The following TSPAN5 variants were observed in gnomAD, a reference collection of about 807,000 sequenced individuals.
TSPAN5 encodes tetraspanin-5.
TSPAN5 carries 10 observed loss-of-function variants against 37.1 expected under a neutral mutation model. The ratio of observed to expected loss-of-function variants is 0.27; its 90% CI spans 0.17 to 0.46. The LOEUF is 0.46. Among genes scored for constraint, TSPAN5 ranks in the 20% least tolerant of loss-of-function variants. The pLI, the probability that TSPAN5 is intolerant of heterozygous loss-of-function variation, is 1.00. For synonymous variants in TSPAN5, 110 were observed against 118.9 expected, an observed-to-expected ratio of 0.93 and a Z score of 0.48; for missense variants, 195 against 326.6, an observed-to-expected ratio of 0.60 and a Z score of 3.11.
In TSPAN5 at chr4:98,470,918, C is replaced by T. The variant is rs896027021; in HGVS notation, c.*1604G>A. The T allele has an allele frequency of 2.0e-5, 3 of 152,200 alleles. No individual in the cohort carries two copies. The highest frequency in any genetic ancestry group is 7.2e-5 in the African/African-American group (3 of 41,440). The allele number at this position is 152,200 out of a possible 1,614,324, so 9.4% of individuals were successfully genotyped here. A position where few individuals can be genotyped will look rare whatever the true frequency, so the allele number is the denominator to read the frequency against. Reference sequence around the variant, plus strand: ...CCAGTTATGTGCTGGCAAATCTGTCCGCACCGAAAAATGTGCCTGTGGTTT... The same window carrying T: ...CCAGTTATGTGCTGGCAAATCTGTCTGCACCGAAAAATGTGCCTGTGGTTT... On this transcript the variant is annotated 3_prime_UTR_variant, in exon 8 of 8. Transcript: ENST00000305798.
chr4:98,570,603 A>G (rs935562712), intron 1 of TSPAN5, among the ~76,000 whole-genome samples: 4 of 152,208 alleles, frequency 2.6e-5, no homozygotes, highest in African/African-American at 9.6e-5. Flanking sequence ...GGGAAAAAAG[A>G]AAAATGCCAC....
At chr4:98,518,939 G>T (rs1753797085) in intron 1 of TSPAN5, among the ~76,000 whole-genome samples, 1 of 152,242 alleles carries the variant, frequency 6.6e-6, no homozygotes, top group Non-Finnish European at 1.5e-5. Context: ...AGCAAGCCAT[G>T]GGAAGCCAAC....
intron 1 of TSPAN5, among the ~76,000 whole-genome samples, chr4:98,599,039 C>T (rs186944299): frequency 6.6e-6 from 1 of 152,258 alleles, no homozygotes; most frequent in Admixed American, 6.5e-5. Context: ...AACACACAAT[C>T]CAGAGGCTAT....
At chr4:98,554,992 G>C (rs1018930782) in intron 1 of TSPAN5, among the ~76,000 whole-genome samples, 1 of 152,192 alleles carries the variant, frequency 6.6e-6, no homozygotes, top group Admixed American at 6.5e-5. Flanking sequence ...AGAAGTGTTA[G>C]GCCTTGGATG....
intron 1 of TSPAN5, among the ~76,000 whole-genome samples, chr4:98,560,677 G>A (rs1412309058): frequency 6.6e-6 from 1 of 152,186 alleles, no homozygotes; most frequent in African/African-American, 2.4e-5. Flanking sequence ...ATAGAACAAT[G>A]AGCAAAACAA....
intron 1 of TSPAN5, among the ~76,000 whole-genome samples, chr4:98,515,431 A>G (rs1016705763): frequency 1.3e-5 from 2 of 152,064 alleles, no homozygotes; most frequent in African/African-American, 4.8e-5. Flanking sequence ...CCTGCCATCT[A>G]CAACTGGTCA....
At chr4:98,559,822 G>A (rs929846551) in intron 1 of TSPAN5, among the ~76,000 whole-genome samples, 3 of 152,118 alleles carry the variant, frequency 2.0e-5, no homozygotes, top group Non-Finnish European at 2.9e-5. Context: ...TCAACCAGCT[G>A]TTAACAGCCC....
At chr4:98,528,647 A>G (rs1468490233) in intron 1 of TSPAN5, among the ~76,000 whole-genome samples, 1 of 152,212 alleles carries the variant, frequency 6.6e-6, no homozygotes, top group Non-Finnish European at 1.5e-5. Context: ...ATAACTCTAC[A>G]AAGCTCTCTT....
chr4:98,548,557 T>C (rs753637491), intron 1 of TSPAN5, among the ~76,000 whole-genome samples: 1 of 152,168 alleles, frequency 6.6e-6, no homozygotes, highest in Non-Finnish European at 1.5e-5. Flanking sequence ...GGAGTTCAAG[T>C]GCAGATTTCT....
chr4:98,526,979 G>A (rs913155785), intron 1 of TSPAN5, among the ~76,000 whole-genome samples: 1 of 152,198 alleles, frequency 6.6e-6, no homozygotes, highest in African/African-American at 2.4e-5. Context: ...GTTATGAGGT[G>A]ATTCCAAGGC....
At chr4:98,538,233 A>G (rs1220002067) in intron 1 of TSPAN5, among the ~76,000 whole-genome samples, 1 of 152,244 alleles carries the variant, frequency 6.6e-6, no homozygotes, top group African/African-American at 2.4e-5. Context: ...GACTTTGGAC[A>G]CTTTAGGGCA....
chr4:98,504,061 T>C (rs2110282912), intron 2 of TSPAN5, among the ~76,000 whole-genome samples: 1 of 152,366 alleles, frequency 6.6e-6, no homozygotes, highest in East Asian at 1.9e-4. Flanking sequence ...GCCCTAGGTT[T>C]AAAACTCAGA....
intron 1 of TSPAN5, among the ~76,000 whole-genome samples, chr4:98,607,926 G>A (rs1266224372): frequency 6.6e-6 from 1 of 152,048 alleles, no homozygotes; most frequent in Non-Finnish European, 1.5e-5. Flanking sequence ...GCCCAGGCTG[G>A]TCTCAAACTC....
At chr4:98,568,983 CAA>C (rs1755064263) in intron 1 of TSPAN5, among the ~76,000 whole-genome samples, 1 of 152,204 alleles carries the variant, frequency 6.6e-6, no homozygotes, top group African/African-American at 2.4e-5. Flanking sequence ...GACCCACTGG[CAA>C]AGTCAGCCTC....
At chr4:98,497,461 C>T (rs1214639789) in intron 2 of TSPAN5, among the ~76,000 whole-genome samples, 1 of 152,156 alleles carries the variant, frequency 6.6e-6, no homozygotes, top group Non-Finnish European at 1.5e-5. Flanking sequence ...TTGGACTTCC[C>T]AGCCTGGCGA....
chr4:98,474,742 C>T (rs180733584), intron 7 of TSPAN5, among the ~76,000 whole-genome samples: 36 of 152,220 alleles, frequency 2.4e-4, no homozygotes, highest in African/African-American at 8.2e-4. Flanking sequence ...TGCATAATCA[C>T]GACTCACTGC....
intron 1 of TSPAN5, among the ~76,000 whole-genome samples, chr4:98,638,653 A>T (rs1023532139): frequency 1.8e-4 from 28 of 152,148 alleles, no homozygotes; most frequent in Admixed American, 3.3e-4. Flanking sequence ...CTAGAGCACC[A>T]CCCTACAGGA....
chr4:98,536,833 C>A (rs555895001), intron 1 of TSPAN5, among the ~76,000 whole-genome samples: 1 of 152,310 alleles, frequency 6.6e-6, no homozygotes, highest in Non-Finnish European at 1.5e-5. Context: ...CAATGGCGGA[C>A]GCCCCTCCCC....
chr4:98,614,220 A>G (rs1756266331), intron 1 of TSPAN5, among the ~76,000 whole-genome samples: 1 of 152,152 alleles, frequency 6.6e-6, no homozygotes, highest in African/African-American at 2.4e-5. Flanking sequence ...TGAACTGCCT[A>G]AAACTTTGGA....
Sources: allele counts gnomAD v4.1 joint callset (sites outside exome capture counted in the v4.1 genomes callset), GRCh38; gene constraint gnomAD v4.1.1; transcripts MANE v1.5; gene names NCBI Gene and HGNC (gene_info 2026-07-23, HGNC 2026-07-21).